P3H4: variants seen among roughly 807,000 people sequenced by gnomAD.
The protein encoded by P3H4 is endoplasmic reticulum protein SC65.
Under a neutral mutation model 52.9 loss-of-function variants are expected in P3H4, and 47 were observed. The observed-to-expected ratio is 0.89, with a 90% CI of 0.70 to 1.13. The LOEUF (loss-of-function observed/expected upper bound fraction) is 1.13. Ranked by LOEUF, P3H4 falls within the 50% of genes most tolerant of loss-of-function variation. The probability of loss-of-function intolerance (pLI) is 0.00; values close to 1 mark genes in which losing one functional copy is unlikely to be tolerated. For missense variants in P3H4, 585 were observed against 611.0 expected (o/e 0.96, Z 0.45); for synonymous variants, 256 against 267.9 (o/e 0.96, Z 0.44).
Position 41,811,045 on chromosome 17 carries a change from C to A in P3H4, c.616-11G>T, listed in dbSNP as rs375081983. On this transcript the variant is annotated splice_polypyrimidine_tract_variant and intron_variant, in intron 2 of 7. Transcript: ENST00000393928. This position sits in a 1 kb window ranked among gnomAD's most constrained non-coding sequence, Gnocchi z 4.8. ...CCGGAGGAACACGGCCTGGAAGGGGCGTGGCAGGGGGAGTCAGGGCGCCCC... is the reference window on the plus strand; with the variant it reads ...CCGGAGGAACACGGCCTGGAAGGGGAGTGGCAGGGGGAGTCAGGGCGCCCC... 1.9e-6 allele frequency: 3 copies of A among 1,609,330 alleles called. No homozygotes were observed. The highest frequency in any genetic ancestry group is 1.7e-6 in the Non-Finnish European group (2 of 1,176,616).
chr17:41,807,707 C>G, intron 5 of P3H4, 152 bp downstream of exon 5: 1 of 960,356 alleles, frequency 1.0e-6, no homozygotes, highest in South Asian at 1.8e-5. Flanking sequence ...ACCGTGTTAG[C>G]CAGGATGGTC....
chr17:41,811,328 G>A lies in P3H4; in HGVS notation c.463-44C>T, dbSNP rs782227910. The A allele has an allele frequency of 2.0e-5, 32 of 1,609,718 alleles. No individual in the cohort carries two copies. The highest frequency in any genetic ancestry group is 2.7e-5 in the African/African-American group (2 of 74,900). ...GTGGGGGAGCGGGTCAGCAAGACCG[G>A]AGCTCGCGGCCCCGAGCGCACGGCG... is the stretch of plus-strand genomic sequence containing the variant. On this transcript the variant is annotated intron_variant, in intron 1 of 7. Transcript: ENST00000393928. The surrounding 1 kb of genome is among the most constrained non-coding windows in gnomAD (Gnocchi z 4.8).
At position 41,811,875 on chromosome 17, in the gene P3H4, C is replaced by G. The variant is rs1309860609; in HGVS notation, c.41G>C (p.Gly14Ala). ...CTTCTCGTACTGCGCCCCGGCGCTG[C>G]CCAGCAGCAACCACAGCAGCCCCCA... ...VAWGLLWLLL[G>A]SAGAQYEKYS... is the part of the protein sequence containing the mutation. Residue 14 changes from glycine (G) to alanine (A), a missense_variant, in exon 1 of 8, where the codon GGC (glycine) becomes GCC (alanine). Transcript: ENST00000393928. This position sits in a 1 kb window ranked among gnomAD's most constrained non-coding sequence, Gnocchi z 4.8. The G allele has an allele frequency of 1.3e-6, 2 of 1,535,016 alleles. No homozygotes were observed. The highest frequency in any genetic ancestry group is 2.8e-5 in the African/African-American group (2 of 70,364).
At chr17:41,803,159 AG>A in intron 7 of P3H4, 127 bp downstream of exon 7, 3 of 1,447,794 alleles carry the variant, frequency 2.1e-6, no homozygotes, top group Non-Finnish European at 1.9e-6. Flanking sequence ...AACAGGCTGG[AG>A]GCCCCTGGAG....
intron 6 of P3H4, among the ~76,000 whole-genome samples, chr17:41,805,377 A>G (rs889823845): frequency 6.6e-6 from 1 of 151,584 alleles, no homozygotes; most frequent in Admixed American, 6.6e-5. Flanking sequence ...CCCAGGCTGG[A>G]GTACAGTGGC....
At position 41,801,964 on chromosome 17, in the gene P3H4, C is replaced by T. The variant is rs1555613569; in HGVS notation, c.*993G>A. 1 of 152,580 alleles carries T rather than the reference C, an allele frequency of 6.6e-6. No individual in the cohort carries two copies. The highest frequency in any genetic ancestry group is 1.5e-5 in the Non-Finnish European group (1 of 68,084). The allele number at this position is 152,580 out of a possible 1,614,324, so 9.5% of individuals were successfully genotyped here. ...ACGGGTACTATGACTCATTCAACAA[C>T]AAACATTTATTGAGCACCTACTGGT... On this transcript the variant is annotated 3_prime_UTR_variant, in exon 8 of 8. Coordinates refer to ENST00000393928, the MANE Select transcript of P3H4 (RefSeq NM_006455.3).
intron 4 of P3H4, 32 bp downstream of exon 4, chr17:41,809,674 C>T (rs1555614667): frequency 6.2e-7 from 1 of 1,608,132 alleles, no homozygotes; most frequent in Admixed American, 1.7e-5. Flanking sequence ...CACCTCGTCC[C>T]CTGCCCAAGC....
rs543873778 is a variant in P3H4, at chr17:41,807,904, G to A, written c.1017C>T (p.His339=). The change falls in exon 5 of 8, where the codon CAC becomes CAT. Residue 339 remains histidine, a synonymous_variant. Coordinates refer to ENST00000393928, the MANE Select transcript of P3H4 (RefSeq NM_006455.3). The part of the protein sequence containing the change: ...MQQNLVYYRF[H]RARWGLEEED... ...CCTCTTCCAGGCCCCAGCGAGCCCG[G>A]TGGAACCGGTAATACACCAGGTTCT... 7.4e-6 allele frequency: 12 copies of A among 1,614,136 alleles called. No individual in the cohort carries two copies. The highest frequency in any genetic ancestry group is 5.5e-5 in the South Asian group (5 of 91,070).
rs2144035510 is a variant in P3H4 at position 41,811,776 on chromosome 17, T to A, written c.140A>T (p.Tyr47Phe). 1 of 1,533,330 alleles carries A rather than the reference T, an allele frequency of 6.5e-7. No individual in the cohort carries two copies. Among genetic ancestry groups the A allele is most frequent in the Admixed American group, 2.0e-5 (1 of 50,684 alleles). The allele number at this position is 1,533,330 out of a possible 1,614,324, so 95.0% of individuals were successfully genotyped here. A position where few individuals can be genotyped will look rare whatever the true frequency, so the allele number is the denominator to read the frequency against. The change falls in exon 1 of 8, where the codon TAC (tyrosine) becomes TTC (phenylalanine). Residue 47 changes from tyrosine to phenylalanine, a missense_variant. Transcript: ENST00000393928. This position sits in a 1 kb window ranked among gnomAD's most constrained non-coding sequence, Gnocchi z 4.8. ...AAAYGHALEQ[Y>F]EGESWRESAR... ...GCTCTCGCGCCAGCTCTCTCCCTCG[T>A]ACTGCTCCAGAGCGTGCCCGTACGC...
rs2144034522 is a variant in P3H4, at chr17:41,811,642, C to T, written c.274G>A (p.Asp92Asn). 2 of 1,450,140 alleles carry T rather than the reference C, an allele frequency of 1.4e-6. No homozygotes were observed. The highest frequency in any genetic ancestry group is 1.8e-6 in the Non-Finnish European group (2 of 1,112,546). The allele number at this position is 1,450,140 out of a possible 1,614,324, so 89.8% of individuals were successfully genotyped here. A position where few individuals can be genotyped will look rare whatever the true frequency, so the allele number is the denominator to read the frequency against. Residue 92 changes from aspartate to asparagine, a missense_variant, in exon 1 of 8, where the codon GAC (aspartate) becomes AAC (asparagine). By Grantham distance (23) the Asp-to-Asn change is conservative (BLOSUM62 1). Transcript: ENST00000393928. This position sits in a 1 kb window ranked among gnomAD's most constrained non-coding sequence, Gnocchi z 4.8. ...GPAPAAKPDPDGGRADEWACE... is the reference protein window; with the variant it reads ...GPAPAAKPDPNGGRADEWACE... Reference sequence around the variant, plus strand: ...GCCCACTCGTCTGCGCGGCCGCCGTCGGGATCGGGCTTGGCCGCGGGCGCG... The same window carrying T: ...GCCCACTCGTCTGCGCGGCCGCCGTTGGGATCGGGCTTGGCCGCGGGCGCG...
In P3H4 at chr17:41,810,973, T is replaced by C; in HGVS notation, c.677A>G (p.Asp226Gly). ...NSGDFRSSTE[D>G]MERALSEYLA... is the part of the protein sequence containing the mutation. Reference sequence around the variant, plus strand: ...GTACTCTGACAAGGCCCGCTCCATGTCCTCCGTGCTGCTGCGGAAATCCCC... The same window carrying C: ...GTACTCTGACAAGGCCCGCTCCATGCCCTCCGTGCTGCTGCGGAAATCCCC... Residue 226 changes from aspartate to glycine, a missense_variant, in exon 3 of 8, where the codon GAC (aspartate) becomes GGC (glycine). By Grantham distance (94) the Asp-to-Gly change is moderately conservative. Transcript: ENST00000393928. The C allele has an allele frequency of 6.2e-7, 1 of 1,614,118 alleles. No individual in the cohort carries two copies. Among genetic ancestry groups the C allele is most frequent in the Non-Finnish European group, 8.5e-7 (1 of 1,180,006 alleles).
Position 41,811,333 on chromosome 17 carries a change from C to T in P3H4, c.463-49G>A, listed in dbSNP as rs1555615106. On this transcript the variant is annotated intron_variant, in intron 1 of 7. Transcript: ENST00000393928. This position sits in a 1 kb window ranked among gnomAD's most constrained non-coding sequence, Gnocchi z 4.8. ...GGAGCGGGTCAGCAAGACCGGAGCT[C>T]GCGGCCCCGAGCGCACGGCGGGCTT... The T allele has an allele frequency of 1.2e-6, 2 of 1,609,082 alleles. No individual in the cohort carries two copies. Among genetic ancestry groups the T allele is most frequent in the East Asian group, 2.2e-5 (1 of 44,840 alleles).
chr17:41,811,469 G>A lies in P3H4; in HGVS notation c.447C>T (p.His149=), dbSNP rs1555615136. ...GGGCTCCCACCTTGAACAGCGCGTA[G>A]TGCAGGTACTGGTAGGGCAGGCGGC... is the stretch of plus-strand genomic sequence containing the variant. ...FQSRLPYQYL[H]YALFKANRLE... Residue 149 remains histidine, a synonymous_variant, in exon 1 of 8, where the codon CAC becomes CAT. Transcript: ENST00000393928. The surrounding 1 kb of genome is among the most constrained non-coding windows in gnomAD (Gnocchi z 4.8). 1 of 1,612,346 alleles carries A rather than the reference G, an allele frequency of 6.2e-7. No homozygotes were observed. Among genetic ancestry groups the A allele is most frequent in the Non-Finnish European group, 8.5e-7 (1 of 1,179,766 alleles).
intron 4 of P3H4, 43 bp from the exon 5 acceptor site, chr17:41,808,047 T>C: frequency 6.3e-7 from 1 of 1,587,442 alleles, no homozygotes; most frequent in East Asian, 2.3e-5. Flanking sequence ...GCACTTCCCC[T>C]TCAGAGTCAA....
chr17:41,811,533 A>T lies in P3H4; in HGVS notation c.383T>A (p.Val128Glu). 8 of 1,611,034 alleles carry T rather than the reference A, an allele frequency of 5.0e-6. No homozygotes were observed. The highest frequency in any genetic ancestry group is 6.8e-6 in the Non-Finnish European group (8 of 1,179,336). ...RCKRTLPAFQ[V>E]PYPPRQLLRD... ...CAGCAGCTGCCGCGGCGGGTAGGGCACCTGGAAGGCGGGCAGCGTCCGCTT... is the reference window on the plus strand; with the variant it reads ...CAGCAGCTGCCGCGGCGGGTAGGGCTCCTGGAAGGCGGGCAGCGTCCGCTT... Residue 128 changes from valine to glutamate, a missense_variant, in exon 1 of 8, where the codon GTG becomes GAG. Coordinates refer to ENST00000393928, the MANE Select transcript of P3H4 (RefSeq NM_006455.3). This position sits in a 1 kb window ranked among gnomAD's most constrained non-coding sequence, Gnocchi z 4.8.
At chr17:41,806,671 A>G in intron 6 of P3H4, 125 bp downstream of exon 6, 1 of 738,986 alleles carries the variant, frequency 1.4e-6, no homozygotes, top group Non-Finnish European at 2.4e-6. Flanking sequence ...GAACAGGCAA[A>G]CCTCTCTTCT....
intron 7 of P3H4, 72 bp downstream of exon 7, chr17:41,803,215 C>T (rs1328480796): frequency 6.5e-6 from 10 of 1,549,542 alleles, no homozygotes; most frequent in East Asian, 2.3e-5. Flanking sequence ...CGGAGCCCAG[C>T]GGGTGAATGC....
Position 41,811,379 on chromosome 17 carries a change from C to T in P3H4, c.462+75G>A. On this transcript the variant is annotated intron_variant, in intron 1 of 7. Coordinates refer to ENST00000393928, the MANE Select transcript of P3H4 (RefSeq NM_006455.3). The surrounding 1 kb of genome is among the most constrained non-coding windows in gnomAD (Gnocchi z 4.8). ...GGCTTCGTGCCTTGGGTGAAGATAA[C>T]GCTCCTTCGACCGATCTGTGGGGAG... 6.2e-7 allele frequency: 1 copy of T among 1,605,624 alleles called. No individual in the cohort carries two copies. Among genetic ancestry groups the T allele is most frequent in the Non-Finnish European group, 8.5e-7 (1 of 1,174,718 alleles).
Position 41,811,938 on chromosome 17 carries a change from C to T in P3H4, c.-23G>A. 3 of 1,490,502 alleles carry T rather than the reference C, an allele frequency of 2.0e-6. No homozygotes were observed. Among genetic ancestry groups the T allele is most frequent in the Non-Finnish European group, 2.7e-6 (3 of 1,128,454 alleles). The allele number at this position is 1,490,502 out of a possible 1,614,324, so 92.3% of individuals were successfully genotyped here. On this transcript the variant is annotated 5_prime_UTR_variant, in exon 1 of 8. Transcript: ENST00000393928. The surrounding 1 kb of genome is among the most constrained non-coding windows in gnomAD (Gnocchi z 4.8). ...CATGCCCGCCGCGCCGCCGGCTCTC[C>T]GGAGCTGAGCTGGCTGCCCCGCGGA... is the stretch of plus-strand genomic sequence containing the variant.
Sources: gnomAD v4.1 joint callset for allele counts (sites outside exome capture counted in the v4.1 genomes callset) on GRCh38, gnomAD v4.1.1 for gene constraint, Gnocchi (gnomAD v3.1) non-coding constraint, MANE v1.5 for transcripts, NCBI Gene and HGNC (gene_info 2026-07-23, HGNC 2026-07-21) for gene names.